The following MACROD1 variants were observed in gnomAD, a reference collection of about 807,000 sequenced individuals.
MACROD1 encodes ADP-ribose glycohydrolase MACROD1.
Under a neutral mutation model 41.4 loss-of-function variants are expected in MACROD1, and 31 were observed. The observed-to-expected ratio is 0.75, with a 90% confidence interval of 0.56 to 1.01. MACROD1 has a LOEUF of 1.01. Among genes scored for constraint, MACROD1 ranks in the 50% least tolerant of loss-of-function variants. MACROD1 has a pLI of 0.00. For missense variants in MACROD1, 473 were observed against 460.0 expected, an observed-to-expected ratio of 1.03 and a Z score of -0.26; for synonymous variants, 252 against 203.4, an observed-to-expected ratio of 1.24 and a Z score of -2.03.
At position 64,116,786 on chromosome 11, in the gene MACROD1, C is replaced by T. The variant is rs779225463; in HGVS notation, c.517+34453G>A. 8 of 1,613,462 alleles carry T rather than the reference C, an allele frequency of 5.0e-6. No homozygotes were observed. The Admixed American group carries it at 5.0e-5, about 10-fold the overall frequency. On this transcript the variant is annotated intron_variant, in intron 3 of 10. Coordinates refer to ENST00000255681, the MANE Select transcript of MACROD1 (RefSeq NM_014067.4). ...CCGTCAGCATTGAGGAGGACGCCTT[C>T]GCCGACAGCAAACAGCTCAAGCTGC...
At chr11:64,018,062 G>A (rs1161585489) in intron 3 of MACROD1, among the ~76,000 whole-genome samples, 2 of 152,218 alleles carry the variant, frequency 1.3e-5, no homozygotes, top group African/African-American at 4.8e-5. Context: ...TGAGGAGGGG[G>A]TGAGCTGGGG....
At position 64,132,868 on chromosome 11, in the gene MACROD1, T is replaced by A. The variant is rs115947176; in HGVS notation, c.517+18371A>T. Among the ~76,000 whole-genome samples the A allele has an allele frequency of 4.4e-3, 673 of 152,312 alleles. 2 individuals are homozygous for A. Among genetic ancestry groups the A allele is most frequent in the African/African-American group, 0.016 (656 of 41,558 alleles). On this transcript the variant is annotated intron_variant, in intron 3 of 10. Coordinates refer to ENST00000255681, the MANE Select transcript of MACROD1 (RefSeq NM_014067.4). ...GGCAGGGAGGTGCGGCAGGCTGGCTTACTCCCATTTTAAAACCAGCAAACC... is the reference window on the plus strand; with the variant it reads ...GGCAGGGAGGTGCGGCAGGCTGGCTAACTCCCATTTTAAAACCAGCAAACC...
intron 2 of MACROD1, 46 bp downstream of exon 2, chr11:64,152,246 C>G: frequency 6.5e-7 from 1 of 1,548,710 alleles, no homozygotes; most frequent in Non-Finnish European, 8.9e-7. Context: ...TCCCAAGCCA[C>G]GGGTCTGGAG....
intron 3 of MACROD1, among the ~76,000 whole-genome samples, chr11:64,033,760 G>T (rs1565202093): frequency 2.0e-5 from 3 of 152,038 alleles, no homozygotes; most frequent in Admixed American, 6.5e-5. Context: ...AGAATTGCTT[G>T]AACCTGGGAG....
rs919910026 is a variant in MACROD1, at chr11:64,021,017, C to A, written c.518-5736G>T. Among the ~76,000 whole-genome samples the A allele has an allele frequency of 5.9e-5, 9 of 152,302 alleles. No homozygotes were observed. The East Asian group carries it at 1.7e-3, about 29-fold the overall frequency. The stretch of plus-strand genomic sequence containing the variant: ...CAGGTGTGAGTCACGGCGCCCGGCC[C>A]CCAGGTGCTTATCTTGATACCCCCA... On this transcript the variant is annotated intron_variant, in intron 3 of 10. Coordinates refer to ENST00000255681, the MANE Select transcript of MACROD1 (RefSeq NM_014067.4).
chr11:64,000,158 C>T (rs768900642), intron 5 of MACROD1, 69 bp downstream of exon 5: 4 of 1,296,882 alleles, frequency 3.1e-6, no homozygotes, highest in Non-Finnish European at 4.4e-6. Context: ...GGGGCCGCAC[C>T]CCTGATGTCC....
At chr11:64,009,851 C>T (rs1942972629) in intron 4 of MACROD1, among the ~76,000 whole-genome samples, 3 of 152,248 alleles carry the variant, frequency 2.0e-5, no homozygotes, top group Non-Finnish European at 2.9e-5. Context: ...ACAGTGGGCT[C>T]GGGCCCCAAA....
Position 64,090,281 on chromosome 11 carries a change from G to GCAA in MACROD1, c.517+60957_517+60958insTTG, listed in dbSNP as rs1565227774. Reference sequence around the variant, plus strand: ...CTCATCCTCGGGAAATGCATCGTGCGTTGCTTTTCCCGTCTGGGAGTCTAA... The same window carrying GCAA: ...CTCATCCTCGGGAAATGCATCGTGCGCAATTGCTTTTCCCGTCTGGGAGTCTAA... On this transcript the variant is annotated intron_variant, in intron 3 of 10. Transcript: ENST00000255681. This position sits in a 1 kb window ranked among gnomAD's most constrained non-coding sequence, Gnocchi z 4.7. Among the ~76,000 whole-genome samples the GCAA allele has an allele frequency of 6.6e-6, 1 of 152,178 alleles. No individual in the cohort carries two copies. Among genetic ancestry groups the GCAA allele is most frequent in the Non-Finnish European group, 1.5e-5 (1 of 68,028 alleles).
At chr11:64,059,347 T>C (rs1943852724) in intron 3 of MACROD1, among the ~76,000 whole-genome samples, 1 of 152,124 alleles carries the variant, frequency 6.6e-6, no homozygotes, top group South Asian at 2.1e-4. Context: ...TGGGAGGCGT[T>C]GCGGGCTTAT....
chr11:64,113,761 G>A (rs1944908524), intron 3 of MACROD1, among the ~76,000 whole-genome samples: 2 of 148,302 alleles, frequency 1.3e-5, no homozygotes, highest in Non-Finnish European at 3.0e-5. Context: ...TGGACGGACA[G>A]GTAAATGCAT....
Position 64,105,198 on chromosome 11 carries a change from G to A in MACROD1, c.517+46041C>T, listed in dbSNP as rs138376599. ...CCAGCCCGACAGCGGGGCCGCGAGC[G>A]TGCCTGAGCCGGAGCTGGGCTGGCT... On this transcript the variant is annotated intron_variant, in intron 3 of 10. Transcript: ENST00000255681. Among the ~76,000 whole-genome samples the A allele has an allele frequency of 6.6e-5, 10 of 152,344 alleles. No homozygotes were observed. In the East Asian group the frequency reaches 7.7e-4, roughly 12 times the overall value.
chr11:64,039,734 A>G (rs1943450178), intron 3 of MACROD1, among the ~76,000 whole-genome samples: 1 of 152,172 alleles, frequency 6.6e-6, no homozygotes, highest in Non-Finnish European at 1.5e-5. Flanking sequence ...AGGCCCCCAG[A>G]GCACTGCCGC....
At chr11:64,028,696 C>G (rs1943255567) in intron 3 of MACROD1, among the ~76,000 whole-genome samples, 1 of 152,110 alleles carries the variant, frequency 6.6e-6, no homozygotes, top group Non-Finnish European at 1.5e-5. Flanking sequence ...CCCCTCCTCC[C>G]GCAGCTCCTC....
intron 3 of MACROD1, among the ~76,000 whole-genome samples, chr11:64,041,811 G>C (rs534172129): frequency 3.8e-4 from 58 of 152,312 alleles, no homozygotes; most frequent in African/African-American, 1.4e-3. Context: ...TGGCTGTTAG[G>C]GGGTGGGTGT....
Position 64,036,397 on chromosome 11 carries a change from C to T in MACROD1, c.518-21116G>A, listed in dbSNP as rs1388850515. On this transcript the variant is annotated intron_variant, in intron 3 of 10. Coordinates refer to ENST00000255681, the MANE Select transcript of MACROD1 (RefSeq NM_014067.4). This position sits in a 1 kb window ranked among gnomAD's most constrained non-coding sequence, Gnocchi z 5.6. ...GCGCTGGCCCCGCCGCGGGGAGGCG[C>T]GGGGTGCGCGGCCGGCGGCTCAGCT... Among the ~76,000 whole-genome samples the T allele has an allele frequency of 6.6e-6, 1 of 152,062 alleles. No individual in the cohort carries two copies. The highest frequency in any genetic ancestry group is 1.5e-5 in the Non-Finnish European group (1 of 67,988).
rs564843775 is a variant in MACROD1, at chr11:64,120,577, C to T, written c.517+30662G>A. Among the ~76,000 whole-genome samples the T allele has an allele frequency of 5.3e-5, 8 of 152,118 alleles. No homozygotes were observed. The South Asian group carries it at 1.4e-3, about 28-fold the overall frequency. ...GGCAGGCGCCTGTTACCTGGCTACT[C>T]GGGAGGCTGAGGCAGGAGAATCGCT... is the stretch of plus-strand genomic sequence containing the variant. On this transcript the variant is annotated intron_variant, in intron 3 of 10. Coordinates refer to ENST00000255681, the MANE Select transcript of MACROD1 (RefSeq NM_014067.4). The surrounding 1 kb of genome is among the most constrained non-coding windows in gnomAD (Gnocchi z 4.5).
At chr11:64,024,675 A>C (rs1174087518) in intron 3 of MACROD1, among the ~76,000 whole-genome samples, 1 of 152,114 alleles carries the variant, frequency 6.6e-6, no homozygotes, top group Non-Finnish European at 1.5e-5. Flanking sequence ...TGCAAGAATG[A>C]GGGGCTGGTG....
At chr11:64,141,676 G>C (rs1337384163) in intron 3 of MACROD1, among the ~76,000 whole-genome samples, 1 of 152,198 alleles carries the variant, frequency 6.6e-6, no homozygotes, top group East Asian at 1.9e-4. Flanking sequence ...CAGTGCTCGG[G>C]TGGACAGCAC....
Position 64,090,870 on chromosome 11 carries a change from G to T in MACROD1, c.517+60369C>A, listed in dbSNP as rs1028099966. Reference sequence around the variant, plus strand: ...GCACTCCCAGGGAGCCCTGAGGGACGAAGTAAAGCAGGAGAGGGCAGGGGG... The same window carrying T: ...GCACTCCCAGGGAGCCCTGAGGGACTAAGTAAAGCAGGAGAGGGCAGGGGG... On this transcript the variant is annotated intron_variant, in intron 3 of 10. Coordinates refer to ENST00000255681, the MANE Select transcript of MACROD1 (RefSeq NM_014067.4). The surrounding 1 kb of genome is among the most constrained non-coding windows in gnomAD (Gnocchi z 4.7). Among the ~76,000 whole-genome samples the T allele has an allele frequency of 6.6e-6, 1 of 152,024 alleles. No homozygotes were observed. Among genetic ancestry groups the T allele is most frequent in the African/African-American group, 2.4e-5 (1 of 41,356 alleles).
Sources: allele counts gnomAD v4.1 joint callset (sites outside exome capture counted in the v4.1 genomes callset), GRCh38; gene constraint gnomAD v4.1.1; non-coding constraint Gnocchi (gnomAD v3.1); transcripts MANE v1.5; gene names NCBI Gene and HGNC (gene_info 2026-07-23, HGNC 2026-07-21).